NXPH1: variants seen among roughly 807,000 people sequenced by gnomAD.
NXPH1 encodes the protein neurexophilin 1.
Under a neutral mutation model 23.7 loss-of-function variants are expected in NXPH1, and 5 were observed. The observed-to-expected ratio is 0.21, with a 90% confidence interval of 0.11 to 0.44. The LOEUF (loss-of-function observed/expected upper bound fraction) is 0.44, where lower values mean the gene tolerates loss of function less well. Ranked by LOEUF, NXPH1 falls within the 20% of genes least tolerant of loss-of-function variation. The pLI, the probability that NXPH1 is intolerant of heterozygous loss-of-function variation, is 0.99. For synonymous variants in NXPH1, 144 were observed against 122.2 expected, an observed-to-expected ratio of 1.18 and a Z score of -1.18; for missense variants, 324 against 321.6, an observed-to-expected ratio of 1.01 and a Z score of -0.06.
At chr7:8,588,075 A>T (rs1444300652) in intron 2 of NXPH1, among the ~76,000 whole-genome samples, 2 of 152,176 alleles carry the variant, frequency 1.3e-5, no homozygotes, top group African/African-American at 2.4e-5. Flanking sequence ...TTAGAATGGC[A>T]ATCATTAAGA....
At chr7:8,516,081 A>T (rs1180965405) in intron 2 of NXPH1, among the ~76,000 whole-genome samples, 1 of 152,148 alleles carries the variant, frequency 6.6e-6, no homozygotes, top group Non-Finnish European at 1.5e-5. Context: ...GCTATTATTC[A>T]AATCCTGCTT....
At chr7:8,584,952 A>G (rs1818952503) in intron 2 of NXPH1, among the ~76,000 whole-genome samples, 1 of 152,204 alleles carries the variant, frequency 6.6e-6, no homozygotes, top group Non-Finnish European at 1.5e-5. Flanking sequence ...GACTATCGAT[A>G]TCTCTTTCTG....
At chr7:8,610,163 T>C (rs986484128) in intron 2 of NXPH1, among the ~76,000 whole-genome samples, 1 of 152,136 alleles carries the variant, frequency 6.6e-6, no homozygotes, top group African/African-American at 2.4e-5. Flanking sequence ...CTAACAGCAT[T>C]AGAGATATGA....
At chr7:8,461,782 A>G (rs1816700096) in intron 2 of NXPH1, among the ~76,000 whole-genome samples, 4 of 141,212 alleles carry the variant, frequency 2.8e-5, no homozygotes, top group Admixed American at 2.2e-4. Flanking sequence ...GTGAGCTGAG[A>G]TCGCGCCACT....
At chr7:8,545,044 A>G (rs947576856) in intron 2 of NXPH1, among the ~76,000 whole-genome samples, 5 of 151,584 alleles carry the variant, frequency 3.3e-5, no homozygotes, top group African/African-American at 9.7e-5. Context: ...CTACTTTCAC[A>G]GAAGAGGATA....
intron 2 of NXPH1, among the ~76,000 whole-genome samples, chr7:8,736,707 C>A (rs1024985558): frequency 6.6e-6 from 1 of 152,180 alleles, no homozygotes; most frequent in African/African-American, 2.4e-5. Flanking sequence ...TCTCATTGAT[C>A]TGTCTAATAT....
intron 2 of NXPH1, among the ~76,000 whole-genome samples, chr7:8,510,672 G>C (rs1817596260): frequency 1.3e-5 from 2 of 152,178 alleles, no homozygotes; most frequent in South Asian, 4.1e-4. Context: ...CAAATACATA[G>C]TCATATAATG....
At chr7:8,652,310 G>A (rs1036792214) in intron 2 of NXPH1, among the ~76,000 whole-genome samples, 9 of 151,950 alleles carry the variant, frequency 5.9e-5, no homozygotes, top group Non-Finnish European at 1.2e-4. Context: ...AAATTTATGT[G>A]AATAAATTTT....
chr7:8,490,122 G>A (rs565815967), intron 2 of NXPH1, among the ~76,000 whole-genome samples: 109 of 151,968 alleles, frequency 7.2e-4, no homozygotes, highest in Non-Finnish European at 1.4e-3. Flanking sequence ...GCATGTGCTT[G>A]ATTTGTGCAT....
chr7:8,529,393 G>C (rs983569600), intron 2 of NXPH1, among the ~76,000 whole-genome samples: 37 of 152,190 alleles, frequency 2.4e-4, no homozygotes, highest in African/African-American at 8.7e-4. Context: ...CTGTGTGGGT[G>C]CAGTACACAT....
chr7:8,674,195 A>G (rs967572232), intron 2 of NXPH1, among the ~76,000 whole-genome samples: 5 of 145,728 alleles, frequency 3.4e-5, no homozygotes, highest in African/African-American at 1.0e-4. Flanking sequence ...ACACACACAC[A>G]CACACACACC....
At chr7:8,710,040 C>T (rs1562461487) in intron 2 of NXPH1, among the ~76,000 whole-genome samples, 1 of 152,144 alleles carries the variant, frequency 6.6e-6, no homozygotes, top group Non-Finnish European at 1.5e-5. Flanking sequence ...CTGCAGGGGT[C>T]AGAAAAGAAT....
At chr7:8,654,670 T>A (rs4725106) in intron 2 of NXPH1, among the ~76,000 whole-genome samples, 99,380 of 151,998 alleles carry the variant, frequency 0.65, 32,920 homozygotes, top group East Asian at 0.83. Context: ...CTCCAGTCTT[T>A]GCATCCTCAC....
chr7:8,486,067 A>T (rs1211277334), intron 2 of NXPH1, among the ~76,000 whole-genome samples: 2 of 152,176 alleles, frequency 1.3e-5, no homozygotes, highest in Non-Finnish European at 2.9e-5. Context: ...ATGGGATTTG[A>T]GGTACCCCAT....
At chr7:8,604,323 T>C (rs1307017507) in intron 2 of NXPH1, among the ~76,000 whole-genome samples, 2 of 152,174 alleles carry the variant, frequency 1.3e-5, no homozygotes, top group Non-Finnish European at 2.9e-5. Context: ...CAAAAACATA[T>C]CTTGAGCACC....
intron 2 of NXPH1, among the ~76,000 whole-genome samples, chr7:8,681,227 C>T (rs1327441488): frequency 3.9e-5 from 6 of 152,146 alleles, no homozygotes; most frequent in African/African-American, 1.4e-4. Flanking sequence ...GATTTGAGAC[C>T]TTTCTACCAT....
intron 2 of NXPH1, among the ~76,000 whole-genome samples, chr7:8,697,188 A>T (rs1779542700): frequency 1.3e-5 from 2 of 148,968 alleles, no homozygotes; most frequent in African/African-American, 2.5e-5. Context: ...AAAGTGAATG[A>T]TGAAGTGAGG....
At chr7:8,655,875 T>C (rs189344072) in intron 2 of NXPH1, among the ~76,000 whole-genome samples, 90 of 152,308 alleles carry the variant, frequency 5.9e-4, no homozygotes, top group Non-Finnish European at 1.1e-3. Context: ...CTTTCCTTGA[T>C]CTCTAGCAGA....
At position 8,591,324 on chromosome 7, in the gene NXPH1, G is replaced by A. The variant is rs114128767; in HGVS notation, c.54+155557G>A. On this transcript the variant is annotated intron_variant, in intron 2 of 2. Coordinates refer to ENST00000405863, the MANE Select transcript of NXPH1 (RefSeq NM_152745.3). ...TTACTCAATGACACAGAGCTAGTAA[G>A]TGGTGGATCTAAGATTTAATACTCA... is the stretch of plus-strand genomic sequence containing the variant. Among the ~76,000 whole-genome samples the A allele has an allele frequency of 3.6e-3, 549 of 152,128 alleles. 6 individuals carry two copies. The highest frequency in any genetic ancestry group is 0.013 in the African/African-American group (536 of 41,540).
Sources: allele counts gnomAD v4.1 joint callset (sites outside exome capture counted in the v4.1 genomes callset), GRCh38; gene constraint gnomAD v4.1.1; transcripts MANE v1.5; gene names NCBI Gene and HGNC (gene_info 2026-07-23, HGNC 2026-07-21).